The following DENND5B variants were observed in gnomAD, a reference collection of about 807,000 sequenced individuals.
DENND5B encodes the protein DENN domain containing 5B.
In DENND5B, 34 loss-of-function variants were observed where a neutral mutation model predicts 140.6. That is an observed-to-expected ratio of 0.24 (90% CI 0.18 to 0.32). The LOEUF (loss-of-function observed/expected upper bound fraction) is 0.32. Ranked by LOEUF, DENND5B falls within the 10% of genes least tolerant of loss-of-function variation. The pLI, the probability that DENND5B is intolerant of heterozygous loss-of-function variation, is 1.00. For synonymous variants in DENND5B, 551 were observed against 562.1 expected (o/e 0.98, Z 0.28); for missense variants, 1,142 against 1,560.2 (o/e 0.73, Z 4.52).
At position 31,433,161 on chromosome 12, in the gene DENND5B, C is replaced by G. The variant is rs139268406; in HGVS notation, c.2100G>C (p.Leu700Phe). The G allele has an allele frequency of 1.2e-6, 2 of 1,613,924 alleles. No homozygotes were observed. Among genetic ancestry groups the G allele is most frequent in the African/African-American group, 1.3e-5 (1 of 75,024 alleles). The change falls in exon 8 of 21, where the codon TTG becomes TTC. Residue 700 changes from leucine to phenylalanine, a missense_variant. Physicochemically the swap from Leu to Phe is conservative, Grantham distance 22. Coordinates refer to ENST00000389082, the MANE Select transcript of DENND5B (RefSeq NM_144973.4). The stretch of plus-strand genomic sequence containing the variant: ...AGGAAGGTAGACCACATACCTCCCT[C>G]AAGTCGTTGTCCAGCCCAACATGCT... ...HSEHVGLDND[L>F]REKYMQEARS... is the part of the protein sequence containing the mutation.
intron 1 of DENND5B, among the ~76,000 whole-genome samples, chr12:31,548,079 T>C (rs766677069): frequency 1.3e-5 from 2 of 152,048 alleles, no homozygotes; most frequent in Non-Finnish European, 2.9e-5. Flanking sequence ...AATATTAAAC[T>C]TAACATCTAA....
At chr12:31,420,890 C>T (rs1942990072) in intron 11 of DENND5B, among the ~76,000 whole-genome samples, 1 of 152,172 alleles carries the variant, frequency 6.6e-6, no homozygotes, top group African/African-American at 2.4e-5. Flanking sequence ...ATTAATACTG[C>T]CTACCCACTA....
intron 3 of DENND5B, among the ~76,000 whole-genome samples, chr12:31,476,493 A>C (rs1480856120): frequency 6.6e-6 from 1 of 151,888 alleles, no homozygotes; most frequent in East Asian, 1.9e-4. Flanking sequence ...GAAAAAAAAA[A>C]AACCCAAACT....
chr12:31,444,472 G>A (rs1424565076), intron 6 of DENND5B, among the ~76,000 whole-genome samples: 1 of 152,184 alleles, frequency 6.6e-6, no homozygotes, highest in Non-Finnish European at 1.5e-5. Context: ...TCGAACCCAT[G>A]ACCCCAGATG....
chr12:31,464,748 A>G (rs1251175666), intron 3 of DENND5B, among the ~76,000 whole-genome samples: 1 of 151,800 alleles, frequency 6.6e-6, no homozygotes, highest in East Asian at 1.9e-4. Context: ...TTTTTGTAGA[A>G]AGGGGTTTCG....
intron 1 of DENND5B, among the ~76,000 whole-genome samples, chr12:31,531,646 G>A (rs1368660790): frequency 1.3e-5 from 2 of 152,152 alleles, no homozygotes; most frequent in African/African-American, 4.8e-5. Context: ...AGTCTTTTAA[G>A]TCCTGATTCC....
At chr12:31,457,805 C>T (rs1944842392) in intron 4 of DENND5B, among the ~76,000 whole-genome samples, 2 of 152,020 alleles carry the variant, frequency 1.3e-5, no homozygotes, top group South Asian at 4.2e-4. Context: ...ACTCCGCCTC[C>T]CGGGTTCATG....
chr12:31,553,044 T>C (rs142061456), intron 1 of DENND5B, among the ~76,000 whole-genome samples: 1,952 of 152,292 alleles, frequency 0.013, 29 homozygotes, highest in African/African-American at 0.045. Flanking sequence ...TTGAAGGGTT[T>C]TTTTGGTCTC....
intron 7 of DENND5B, among the ~76,000 whole-genome samples, chr12:31,438,945 T>C (rs1041377777): frequency 6.6e-6 from 1 of 152,130 alleles, no homozygotes; most frequent in South Asian, 2.1e-4. Context: ...GGATAAAGAT[T>C]AACTTAAATA....
At chr12:31,467,598 G>T (rs1466395683) in intron 3 of DENND5B, among the ~76,000 whole-genome samples, 1 of 152,054 alleles carries the variant, frequency 6.6e-6, no homozygotes, top group Non-Finnish European at 1.5e-5. Flanking sequence ...TCCAGCCTAG[G>T]CAACAGAGTG....
intron 11 of DENND5B, among the ~76,000 whole-genome samples, chr12:31,419,739 T>C (rs531503585): frequency 6.6e-6 from 1 of 152,088 alleles, no homozygotes; most frequent in East Asian, 1.9e-4. Context: ...TTTGGGAGGC[T>C]GAGGCGGGTG....
intron 1 of DENND5B, among the ~76,000 whole-genome samples, chr12:31,557,583 T>C (rs561695188): frequency 6.6e-6 from 1 of 152,042 alleles, no homozygotes; most frequent in Non-Finnish European, 1.5e-5. Context: ...GGTTTCACCA[T>C]GTCACCCAGG....
chr12:31,565,856 T>C (rs1488144335), intron 1 of DENND5B, among the ~76,000 whole-genome samples: 5 of 152,012 alleles, frequency 3.3e-5, no homozygotes, highest in Non-Finnish European at 5.9e-5. Flanking sequence ...AACTAAAAAA[T>C]AGTGGCCTGG....
At chr12:31,577,993 C>G (rs1235020215) in intron 1 of DENND5B, among the ~76,000 whole-genome samples, 1 of 151,906 alleles carries the variant, frequency 6.6e-6, no homozygotes, top group African/African-American at 2.4e-5. Flanking sequence ...GGCGTGGTAG[C>G]ACACACACCT....
intron 3 of DENND5B, chr12:31,464,942 T>A (rs146074561): frequency 1.3e-5 from 2 of 152,326 alleles, no homozygotes; most frequent in African/African-American, 4.8e-5. Flanking sequence ...GTAAACGTGC[T>A]TTGAGAAATT....
intron 9 of DENND5B, 58 bp downstream of exon 9, chr12:31,426,235 C>T: frequency 6.5e-7 from 1 of 1,529,960 alleles, no homozygotes; most frequent in Non-Finnish European, 8.8e-7. Flanking sequence ...TTCATCTTAG[C>T]CTCACACATG....
At chr12:31,480,279 A>G (rs775347987) in intron 2 of DENND5B, 24 bp from the exon 3 acceptor site, 3 of 1,461,672 alleles carry the variant, frequency 2.1e-6, no homozygotes, top group Non-Finnish European at 2.7e-6. Context: ...AAAAAAAAAA[A>G]TCAGAATGCA....
At chr12:31,590,416 G>A (rs900293546) in intron 1 of DENND5B, 2 of 218,840 alleles carry the variant, frequency 9.1e-6, no homozygotes, top group Non-Finnish European at 1.8e-5. Context: ...TGCAAGCGAA[G>A]GGGCCGGCGC....
chr12:31,449,082 G>A (rs990215996), intron 5 of DENND5B, among the ~76,000 whole-genome samples: 3 of 152,118 alleles, frequency 2.0e-5, no homozygotes, highest in African/African-American at 7.2e-5. Context: ...AAATCTGGAA[G>A]TAAATTTGGA....
Sources: gnomAD v4.1 joint callset for allele counts (sites outside exome capture counted in the v4.1 genomes callset) on GRCh38, gnomAD v4.1.1 for gene constraint, MANE v1.5 for transcripts, NCBI Gene and HGNC (gene_info 2026-07-23, HGNC 2026-07-21) for gene names.